The following TRAPPC9 variants were observed in gnomAD, a reference collection of about 807,000 sequenced individuals.
The protein encoded by TRAPPC9 is IKK2 binding protein.
Under a neutral mutation model 124.0 loss-of-function variants are expected in TRAPPC9, and 83 were observed. The observed-to-expected ratio is 0.67, with a 90% CI of 0.56 to 0.80. The LOEUF (loss-of-function observed/expected upper bound fraction) is 0.80. TRAPPC9 is among the 30% of genes least tolerant of loss of function. The pLI, the probability that TRAPPC9 is intolerant of heterozygous loss-of-function variation, is 0.00. For synonymous variants in TRAPPC9, 638 were observed against 617.5 expected (o/e 1.03, Z -0.49); for missense variants, 1,302 against 1,508.3 (o/e 0.86, Z 2.27).
intron 19 of TRAPPC9, among the ~76,000 whole-genome samples, chr8:139,954,062 T>C (rs952902477): frequency 2.0e-5 from 3 of 152,152 alleles, no homozygotes; most frequent in Non-Finnish European, 4.4e-5. Flanking sequence ...CCCATATTAA[T>C]AGAACTCTAG....
chr8:140,037,555 T>C (rs1321368011), intron 17 of TRAPPC9, among the ~76,000 whole-genome samples: 1 of 151,664 alleles, frequency 6.6e-6, no homozygotes, highest in Non-Finnish European at 1.5e-5. Flanking sequence ...GCTCCTCCTG[T>C]CTCAGGTCAA....
At chr8:139,964,558 G>A (rs1320380706) in intron 19 of TRAPPC9, among the ~76,000 whole-genome samples, 4 of 152,198 alleles carry the variant, frequency 2.6e-5, no homozygotes, top group African/African-American at 9.7e-5. Flanking sequence ...GTGAGGCAGG[G>A]CATCAGGGCT....
intron 17 of TRAPPC9, 81 bp from the exon 18 acceptor site, chr8:140,024,160 G>A (rs943172719): frequency 4.4e-5 from 67 of 1,534,100 alleles, no homozygotes; most frequent in Admixed American, 2.4e-4. Flanking sequence ...AAGCGGCTTC[G>A]CTTAGGAAGA....
intron 21 of TRAPPC9, among the ~76,000 whole-genome samples, chr8:139,741,052 T>C (rs1021903844): frequency 6.6e-6 from 1 of 151,994 alleles, no homozygotes; most frequent in African/African-American, 2.4e-5. Flanking sequence ...AAGAGGAGGG[T>C]GGAGGATGTG....
At chr8:139,997,486 CATTCCACACAGGGGAGACAAT>C (rs1838088706) in intron 18 of TRAPPC9, among the ~76,000 whole-genome samples, 2 of 75,728 alleles carry the variant, frequency 2.6e-5, no homozygotes, top group Non-Finnish European at 7.8e-5. Flanking sequence ...GGAGACAATG[CATTCCACACAGGGGAGACAAT>C]GCATTCTACA....
chr8:140,056,557 TG>T (rs1356700975), intron 17 of TRAPPC9, among the ~76,000 whole-genome samples: 15 of 151,962 alleles, frequency 9.9e-5, no homozygotes, highest in Admixed American at 7.2e-4. Context: ...GAATACACAA[TG>T]GGGGACAGAT....
intron 5 of TRAPPC9, among the ~76,000 whole-genome samples, chr8:140,414,823 C>A (rs2069847335): frequency 6.6e-6 from 1 of 152,046 alleles, no homozygotes; most frequent in African/African-American, 2.4e-5. Flanking sequence ...CTCATTGCAA[C>A]CTCTGCCTCC....
At chr8:139,836,211 G>A (rs914512581) in intron 21 of TRAPPC9, among the ~76,000 whole-genome samples, 16 of 152,056 alleles carry the variant, frequency 1.1e-4, no homozygotes, top group Non-Finnish European at 1.6e-4. Flanking sequence ...GTTTCATCAC[G>A]TTGGCCAAGC....
chr8:140,331,557 G>A (rs2066894280), intron 9 of TRAPPC9, among the ~76,000 whole-genome samples: 1 of 151,978 alleles, frequency 6.6e-6, no homozygotes, highest in Non-Finnish European at 1.5e-5. Flanking sequence ...GAAAATATTT[G>A]CAAACTATTC....
intron 15 of TRAPPC9, among the ~76,000 whole-genome samples, chr8:140,268,407 A>G (rs1183324289): frequency 6.6e-6 from 1 of 152,188 alleles, no homozygotes; most frequent in Non-Finnish European, 1.5e-5. Context: ...TATTTTGGAA[A>G]CAGATGGTTT....
At chr8:140,282,548 C>A (rs1408240676) in intron 14 of TRAPPC9, among the ~76,000 whole-genome samples, 1 of 129,232 alleles carries the variant, frequency 7.7e-6, no homozygotes, top group Admixed American at 8.0e-5. Context: ...GCCTGGGCAA[C>A]AGAGCAAGAC....
At chr8:140,365,467 C>T (rs143798284) in intron 8 of TRAPPC9, among the ~76,000 whole-genome samples, 3 of 152,334 alleles carry the variant, frequency 2.0e-5, no homozygotes, top group East Asian at 3.9e-4. Context: ...CTAGCCTTGG[C>T]GTGGATTAGA....
intron 17 of TRAPPC9, among the ~76,000 whole-genome samples, chr8:140,208,637 T>C (rs2062984438): frequency 6.6e-6 from 1 of 152,242 alleles, no homozygotes; most frequent in East Asian, 1.9e-4. Context: ...TCATTTGCTT[T>C]CCTGTTCCCT....
intron 6 of TRAPPC9, chr8:140,405,314 A>G (rs1007329623): frequency 1.8e-5 from 6 of 327,642 alleles, no homozygotes; most frequent in Non-Finnish European, 2.8e-5. Flanking sequence ...TAGATATAAA[A>G]TATTAACAAT....
intron 20 of TRAPPC9, among the ~76,000 whole-genome samples, chr8:139,889,302 C>T (rs1286904091): frequency 6.6e-6 from 1 of 152,066 alleles, no homozygotes; most frequent in Non-Finnish European, 1.5e-5. Context: ...GACCCCTTCG[C>T]TTCAGCCATA....
chr8:139,967,481 G>A (rs138761741), intron 19 of TRAPPC9, among the ~76,000 whole-genome samples: 1 of 152,378 alleles, frequency 6.6e-6, no homozygotes, highest in Non-Finnish European at 1.5e-5. Flanking sequence ...TGGCCACTCA[G>A]CTAGGTGTCG....
chr8:140,409,292 A>T (rs1250107093), intron 5 of TRAPPC9, among the ~76,000 whole-genome samples: 3 of 152,214 alleles, frequency 2.0e-5, no homozygotes, highest in African/African-American at 7.2e-5. Flanking sequence ...AAAAATGTTA[A>T]AAGCCTGACA....
intron 17 of TRAPPC9, among the ~76,000 whole-genome samples, chr8:140,117,149 G>A (rs2060903174): frequency 6.6e-6 from 1 of 152,136 alleles, no homozygotes; most frequent in Non-Finnish European, 1.5e-5. Context: ...ACTTAACTGT[G>A]CACACCATTT....
Position 139,809,102 on chromosome 8 carries a change from A to AT in TRAPPC9, c.3055+76776dup, listed in dbSNP as rs1824261098. Among the ~76,000 whole-genome samples the AT allele has an allele frequency of 4.6e-5, 7 of 152,368 alleles. No homozygotes were observed. The South Asian group carries it at 1.5e-3, about 32-fold the overall frequency. Reference sequence around the variant, plus strand: ...TAATATTTCATTATCAAAAACATCTATTTTGATAACCCTTCTAAGGACTAG... The same window carrying AT: ...TAATATTTCATTATCAAAAACATCTATTTTTGATAACCCTTCTAAGGACTAG... On this transcript the variant is annotated intron_variant, in intron 21 of 22. Transcript: ENST00000438773.
Sources: gnomAD v4.1 joint callset for allele counts (sites outside exome capture counted in the v4.1 genomes callset) on GRCh38, gnomAD v4.1.1 for gene constraint, MANE v1.5 for transcripts, NCBI Gene and HGNC (gene_info 2026-07-23, HGNC 2026-07-21) for gene names.